TRAPPC13: variants seen among roughly 807,000 people sequenced by gnomAD.
TRAPPC13 encodes the protein REV7-interacting novel NHEJ regulator 1.
In TRAPPC13, 39 loss-of-function variants were observed where a neutral mutation model predicts 54.0. The observed-to-expected ratio is 0.72, with a 90% confidence interval of 0.56 to 0.94. The LOEUF (loss-of-function observed/expected upper bound fraction) is 0.94. Among genes scored for constraint, TRAPPC13 ranks in the 40% least tolerant of loss-of-function variants. The pLI, the probability that TRAPPC13 is intolerant of heterozygous loss-of-function variation, is 0.00. For synonymous variants in TRAPPC13, 148 were observed against 167.7 expected (o/e 0.88, Z 0.91); for missense variants, 386 against 488.1 (o/e 0.79, Z 1.97).
intron 5 of TRAPPC13, among the ~76,000 whole-genome samples, chr5:65,649,175 C>CA: frequency 6.6e-6 from 1 of 152,254 alleles, no homozygotes; most frequent in Middle Eastern, 3.4e-3. Flanking sequence ...ATGATCACGC[C>CA]ACTGCTCTTC....
chr5:65,661,947 G>A, intron 10 of TRAPPC13, 103 bp from the exon 11 acceptor site: 2 of 686,192 alleles, frequency 2.9e-6, no homozygotes, highest in Non-Finnish European at 2.3e-6. Context: ...ACATCAGCTT[G>A]GAAACCCAAC....
intron 6 of TRAPPC13, among the ~76,000 whole-genome samples, chr5:65,651,966 C>T (rs1426146931): frequency 2.1e-5 from 3 of 145,766 alleles, no homozygotes; most frequent in African/African-American, 7.6e-5. Flanking sequence ...TGGGTGCAAG[C>T]GATTCTCCTG....
At chr5:65,635,905 G>A in intron 2 of TRAPPC13, 39 bp from the exon 3 acceptor site, 1 of 1,276,838 alleles carries the variant, frequency 7.8e-7, no homozygotes, top group Non-Finnish European at 1.1e-6. Context: ...GTTATTTAAA[G>A]GGTAGATGTT....
At chr5:65,647,015 C>T (rs529677754) in intron 4 of TRAPPC13, 40 bp from the exon 5 acceptor site, 2 of 1,509,630 alleles carry the variant, frequency 1.3e-6, no homozygotes, top group Non-Finnish European at 1.8e-6. Context: ...GGTAACCAGT[C>T]TCATTTGGAC....
At chr5:65,636,175 G>A (rs909716763) in intron 3 of TRAPPC13, 132 bp downstream of exon 3, 9 of 597,322 alleles carry the variant, frequency 1.5e-5, no homozygotes, top group South Asian at 4.0e-5. Context: ...ATGGAGTCTC[G>A]CTCTATTGCC....
chr5:65,627,316 AATTT>A (rs1755290135), intron 1 of TRAPPC13, among the ~76,000 whole-genome samples: 1 of 151,862 alleles, frequency 6.6e-6, no homozygotes, highest in South Asian at 2.1e-4. Flanking sequence ...CAAATGTATT[AATTT>A]AAGTGGTCAT....
intron 1 of TRAPPC13, among the ~76,000 whole-genome samples, chr5:65,633,875 C>T (rs1755639586): frequency 1.3e-5 from 2 of 149,024 alleles, no homozygotes; most frequent in Non-Finnish European, 3.0e-5. Flanking sequence ...GTCTTTGCAC[C>T]TTATAATGAA....
At chr5:65,661,978 G>A in intron 10 of TRAPPC13, 72 bp from the exon 11 acceptor site, 1 of 1,065,700 alleles carries the variant, frequency 9.4e-7, no homozygotes, top group Non-Finnish European at 1.3e-6. Flanking sequence ...TAAATGTGCT[G>A]CTGTGGTGCC....
intron 7 of TRAPPC13, among the ~76,000 whole-genome samples, chr5:65,655,028 G>T (rs1268785795): frequency 6.6e-6 from 1 of 152,152 alleles, no homozygotes; most frequent in Non-Finnish European, 1.5e-5. Context: ...TGCATTTGAT[G>T]GAGGTGACAT....
intron 1 of TRAPPC13, among the ~76,000 whole-genome samples, chr5:65,634,437 G>A (rs532640771): frequency 1.5e-4 from 23 of 151,684 alleles, no homozygotes; most frequent in Admixed American, 5.9e-4. Context: ...TTTTTTCTCC[G>A]TTAATTTCCT....
chr5:65,635,013 T>C (rs1755695817), intron 1 of TRAPPC13: 4 of 841,788 alleles, frequency 4.8e-6, no homozygotes, highest in African/African-American at 1.8e-5. Context: ...CTCTTTAAGC[T>C]TTAAAAATTA....
chr5:65,654,390 C>G (rs186180962), intron 7 of TRAPPC13, among the ~76,000 whole-genome samples: 1 of 151,840 alleles, frequency 6.6e-6, no homozygotes, highest in Non-Finnish European at 1.5e-5. Context: ...ATCTTGCTAA[C>G]AAACTTCAAT....
At chr5:65,637,037 T>A (rs942773012) in intron 3 of TRAPPC13, among the ~76,000 whole-genome samples, 1 of 152,254 alleles carries the variant, frequency 6.6e-6, no homozygotes, top group Non-Finnish European at 1.5e-5. Flanking sequence ...ATTCAGGGAA[T>A]AAGTTATTTC....
At chr5:65,628,516 A>G (rs1290065987) in intron 1 of TRAPPC13, among the ~76,000 whole-genome samples, 2 of 150,912 alleles carry the variant, frequency 1.3e-5, no homozygotes, top group African/African-American at 2.4e-5. Context: ...CTGGAGTGCA[A>G]TGGGAGTACG....
At chr5:65,662,015 T>C (rs1159134009) in intron 10 of TRAPPC13, 35 bp from the exon 11 acceptor site, 1 of 1,490,238 alleles carries the variant, frequency 6.7e-7, no homozygotes, top group Non-Finnish European at 9.1e-7. Flanking sequence ...GGTTTTGTGA[T>C]AGATATACAT....
chr5:65,640,201 A>T (rs1002730863), intron 4 of TRAPPC13, among the ~76,000 whole-genome samples: 2 of 152,220 alleles, frequency 1.3e-5, no homozygotes, highest in Non-Finnish European at 2.9e-5. Context: ...ACATTTTCAA[A>T]TTATTGAAAA....
intron 5 of TRAPPC13, among the ~76,000 whole-genome samples, chr5:65,649,013 C>G (rs1004896973): frequency 6.6e-6 from 1 of 151,940 alleles, no homozygotes; most frequent in African/African-American, 2.4e-5. Flanking sequence ...CTCAGGAGCT[C>G]AAGACCAGCC....
Position 65,665,840 on chromosome 5 carries a change from T to G in TRAPPC13, c.*1229T>G, listed in dbSNP as rs1757018513. 1 of 152,704 alleles carries G rather than the reference T, an allele frequency of 6.5e-6. No individual in the cohort carries two copies. Among genetic ancestry groups the G allele is most frequent in the Admixed American group, 6.5e-5 (1 of 15,308 alleles). The allele number at this position is 152,704 out of a possible 1,614,324, so 9.5% of individuals were successfully genotyped here. On this transcript the variant is annotated 3_prime_UTR_variant, in exon 13 of 13. Coordinates refer to ENST00000399438, the MANE Select transcript of TRAPPC13 (RefSeq NM_024941.4). ...GAAAACAAAAGCTTAGGCTGTTAAATAAAAGCTATTCTATTTTGGTAAGTT... is the reference window on the plus strand; with the variant it reads ...GAAAACAAAAGCTTAGGCTGTTAAAGAAAAGCTATTCTATTTTGGTAAGTT...
intron 4 of TRAPPC13, among the ~76,000 whole-genome samples, chr5:65,641,820 G>T (rs1755977158): frequency 6.6e-6 from 1 of 150,638 alleles, no homozygotes; most frequent in Non-Finnish European, 1.5e-5. Flanking sequence ...AAAATCATAT[G>T]AGCTAGTTCT....
Sources: gnomAD v4.1 joint callset for allele counts (sites outside exome capture counted in the v4.1 genomes callset) on GRCh38, gnomAD v4.1.1 for gene constraint, MANE v1.5 for transcripts, NCBI Gene and HGNC (gene_info 2026-07-23, HGNC 2026-07-21) for gene names.